The following PCDHA7 variants were observed in gnomAD, a reference collection of about 807,000 sequenced individuals.
The protein encoded by PCDHA7 is protocadherin alpha 7, also known as protocadherin alpha-7.
In PCDHA7, 37 loss-of-function variants were observed where a neutral mutation model predicts 57.2. That is an observed-to-expected ratio of 0.65 (90% CI 0.50 to 0.85). The LOEUF (loss-of-function observed/expected upper bound fraction) is 0.85, where lower values mean the gene tolerates loss of function less well. PCDHA7 is among the 40% of genes least tolerant of loss of function. The pLI is 0.00. For synonymous variants in PCDHA7, 553 were observed against 558.8 expected, an observed-to-expected ratio of 0.99 and a Z score of 0.15; for missense variants, 1,188 against 1,241.8, an observed-to-expected ratio of 0.96 and a Z score of 0.65.
intron 1 of PCDHA7, chr5:140,928,625 A>T: frequency 6.2e-7 from 1 of 1,614,224 alleles, no homozygotes; most frequent in African/African-American, 1.3e-5. Flanking sequence ...AGGACTGGAC[A>T]CTTGGTCACA....
At chr5:140,880,514 TC>T (rs1459255635) in intron 1 of PCDHA7, among the ~76,000 whole-genome samples, 1 of 152,198 alleles carries the variant, frequency 6.6e-6, no homozygotes, top group Non-Finnish European at 1.5e-5. Context: ...TTTGGTCACA[TC>T]TCTCAATGTG....
intron 1 of PCDHA7, chr5:140,866,016 T>C (rs191505079): frequency 6.6e-6 from 1 of 152,304 alleles, no homozygotes; most frequent in African/African-American, 2.4e-5. Flanking sequence ...ATTTTTTTCT[T>C]GTAAGAGTTC....
rs2150428040 is a variant in PCDHA7, at chr5:140,848,992, C to T, written c.2355+12254C>T. On this transcript the variant is annotated intron_variant, in intron 1 of 3. Coordinates refer to ENST00000525929, the MANE Select transcript of PCDHA7 (RefSeq NM_018910.3). ...TCCGATGCAGATATCGGGGAGAACG[C>T]CCTGCTCACTTACAGACTGAGCCCC... is the stretch of plus-strand genomic sequence containing the variant. The T allele has an allele frequency of 2.5e-6, 4 of 1,597,000 alleles. No individual in the cohort carries two copies. In the African/African-American group the frequency reaches 4.1e-5, roughly 16 times the overall value.
At chr5:140,990,541 A>T (rs868916666) in intron 3 of PCDHA7, among the ~76,000 whole-genome samples, 1 of 152,210 alleles carries the variant, frequency 6.6e-6, no homozygotes, top group Admixed American at 6.5e-5. Context: ...CATCATAGAT[A>T]CTGTATTACC....
At chr5:140,857,839 C>A in intron 1 of PCDHA7, 1 of 1,597,776 alleles carries the variant, frequency 6.3e-7, no homozygotes, top group South Asian at 1.1e-5. Flanking sequence ...GCGCAGTGGA[C>A]GCTGACTCTG....
chr5:140,841,492 G>A (rs2150316650), intron 1 of PCDHA7: 4 of 1,613,200 alleles, frequency 2.5e-6, no homozygotes, highest in Middle Eastern at 1.8e-4. Context: ...TGGAGCTGGC[G>A]GAGCTGGTGC....
intron 1 of PCDHA7, chr5:140,870,411 C>T: frequency 6.2e-7 from 1 of 1,614,212 alleles, no homozygotes; most frequent in East Asian, 2.2e-5. Context: ...CTCTGTGGGC[C>T]ACGGCCAGGG....
intron 3 of PCDHA7, among the ~76,000 whole-genome samples, chr5:140,992,975 T>G (rs2097535680): frequency 6.6e-6 from 1 of 152,178 alleles, no homozygotes; most frequent in Admixed American, 6.6e-5. Context: ...TGACAATGAT[T>G]AGGCCATGGG....
chr5:140,962,855 G>A (rs556272423), intron 1 of PCDHA7, among the ~76,000 whole-genome samples: 286 of 152,196 alleles, frequency 1.9e-3, no homozygotes, highest in Admixed American at 3.8e-3. Context: ...CTTGTGCTCG[G>A]TTTGTAGAGC....
intron 1 of PCDHA7, among the ~76,000 whole-genome samples, chr5:140,938,344 G>A (rs569264531): frequency 6.6e-6 from 1 of 152,264 alleles, no homozygotes; most frequent in Non-Finnish European, 1.5e-5. Context: ...GGATAATCTT[G>A]TCTTATTCCT....
intron 1 of PCDHA7, among the ~76,000 whole-genome samples, chr5:140,978,421 T>C (rs969808613): frequency 2.0e-5 from 3 of 152,236 alleles, no homozygotes; most frequent in Non-Finnish European, 4.4e-5. Flanking sequence ...AAAGAGACTG[T>C]TATCAGTTGC....
At chr5:140,883,615 C>A in intron 1 of PCDHA7, 2 of 1,613,938 alleles carry the variant, frequency 1.2e-6, no homozygotes, top group East Asian at 2.2e-5. Flanking sequence ...CCGACGTGAA[C>A]GACAACGCGC....
Position 140,853,770 on chromosome 5 carries a change from A to G in PCDHA7, c.2355+17032A>G. 3 of 988,146 alleles carry G rather than the reference A, an allele frequency of 3.0e-6. No homozygotes were observed. In the South Asian group the frequency reaches 1.4e-4, roughly 47 times the overall value. 61.2% of individuals were successfully genotyped at this position (988,146 alleles called of 1,614,324 possible). On this transcript the variant is annotated intron_variant, in intron 1 of 3. Coordinates refer to ENST00000525929, the MANE Select transcript of PCDHA7 (RefSeq NM_018910.3). ...CAAGGCTCCACCTCAGAAATTCTGA[A>G]ATGGGTAGTAAGAGCAAATTTTCAT...
intron 2 of PCDHA7, among the ~76,000 whole-genome samples, chr5:140,981,118 G>A (rs1205022984): frequency 6.6e-6 from 1 of 152,196 alleles, no homozygotes; most frequent in Admixed American, 6.5e-5. Flanking sequence ...TACTGGATAT[G>A]TTGTTTGAAG....
chr5:140,924,909 AATAAAAT>A (rs1563069072), intron 1 of PCDHA7, among the ~76,000 whole-genome samples: 5 of 66,374 alleles, frequency 7.5e-5, no homozygotes, highest in African/African-American at 2.5e-4. Context: ...AAAAAAATAA[AATAAAAT>A]AAAATAAAAT....
At chr5:140,848,691 T>C in intron 1 of PCDHA7, 1 of 1,592,078 alleles carries the variant, frequency 6.3e-7, no homozygotes, top group South Asian at 1.1e-5. Context: ...CCTGTTCCAG[T>C]TGGATTCCAA....
At position 141,003,524 on chromosome 5, in the gene PCDHA7, G is replaced by T. The variant is rs2098128799; in HGVS notation, c.2504-6103G>T. On this transcript the variant is annotated intron_variant, in intron 3 of 3. Coordinates refer to ENST00000525929, the MANE Select transcript of PCDHA7 (RefSeq NM_018910.3). ...GATGGGGTTTCACCATGTTCCCTAG[G>T]CTGGTCTTGAACTCCTGGCTTCAAG... 4.6e-5 allele frequency among the ~76,000 whole-genome samples: 7 copies of T among 152,070 alleles called. No individual in the cohort carries two copies. In the South Asian group the frequency reaches 1.5e-3, roughly 32 times the overall value.
chr5:140,858,481 T>C (rs782180300), intron 1 of PCDHA7: 5 of 1,507,736 alleles, frequency 3.3e-6, no homozygotes, highest in Non-Finnish European at 4.5e-6. Flanking sequence ...TTATGAATAA[T>C]ATTTTCTCTT....
intron 1 of PCDHA7, chr5:140,852,548 T>C: frequency 3.3e-6 from 2 of 614,864 alleles, no homozygotes; most frequent in South Asian, 7.0e-5. Context: ...AGTGCTGGGA[T>C]TAAAGCTGTG....
Sources: gnomAD v4.1 joint callset for allele counts (sites outside exome capture counted in the v4.1 genomes callset) on GRCh38, gnomAD v4.1.1 for gene constraint, MANE v1.5 for transcripts, NCBI Gene and HGNC (gene_info 2026-07-23, HGNC 2026-07-21) for gene names.